The following SMAD1 variants were observed in gnomAD, a reference collection of about 807,000 sequenced individuals.
SMAD1 encodes the protein MAD, mothers against decapentaplegic homolog 1.
SMAD1 carries 6 observed loss-of-function variants against 41.6 expected under a neutral mutation model. The observed-to-expected ratio is 0.14, with a 90% confidence interval of 0.08 to 0.28. SMAD1 has a LOEUF of 0.28. Ranked by LOEUF, SMAD1 falls within the 10% of genes least tolerant of loss-of-function variation. The probability of loss-of-function intolerance (pLI) is 1.00; values close to 1 mark genes in which losing one functional copy is unlikely to be tolerated. For missense variants in SMAD1, 379 were observed against 582.6 expected (o/e 0.65, Z 3.60); for synonymous variants, 206 against 203.2 (o/e 1.01, Z -0.12).
intron 3 of SMAD1, among the ~76,000 whole-genome samples, chr4:145,540,846 G>A (rs1731888719): frequency 6.6e-6 from 1 of 151,962 alleles, no homozygotes. Context: ...GAAAATGACT[G>A]GGCAAGTGTG....
intron 6 of SMAD1, among the ~76,000 whole-genome samples, chr4:145,554,523 T>A (rs182036906): frequency 6.6e-6 from 1 of 152,258 alleles, no homozygotes; most frequent in East Asian, 1.9e-4. Flanking sequence ...TTGGTCAGGT[T>A]TTTTTTAGTG....
At chr4:145,493,331 T>A (rs1728878312) in intron 1 of SMAD1, among the ~76,000 whole-genome samples, 1 of 152,252 alleles carries the variant, frequency 6.6e-6, no homozygotes, top group Non-Finnish European at 1.5e-5. Flanking sequence ...TACAGCTGGT[T>A]GCGTATAGCT....
At chr4:145,510,818 TG>T (rs1354511108) in intron 1 of SMAD1, among the ~76,000 whole-genome samples, 2 of 152,226 alleles carry the variant, frequency 1.3e-5, no homozygotes, top group Admixed American at 1.3e-4. Context: ...ACTAGGATTG[TG>T]GGTTTGCCTG....
chr4:145,557,671 G>GT (rs1732918564), intron 6 of SMAD1, 120 bp from the exon 7 acceptor site: 2 of 679,920 alleles, frequency 2.9e-6, no homozygotes, highest in African/African-American at 1.8e-5. Flanking sequence ...GGGGCGGGGG[G>GT]GTCAGGGAGG....
rs572435079 is a variant in SMAD1, at chr4:145,516,747, T to C, written c.400+1734T>C. 2.0e-4 allele frequency among the ~76,000 whole-genome samples: 30 copies of C among 152,208 alleles called. 1 individual carries two copies. The South Asian group carries it at 2.1e-3, about 11-fold the overall frequency. Reference sequence around the variant, plus strand: ...AAATGGAGCTAAGAGTTTTGGAGAGTAAAATGTAGTAGATAAGTAATATGT... The same window carrying C: ...AAATGGAGCTAAGAGTTTTGGAGAGCAAAATGTAGTAGATAAGTAATATGT... On this transcript the variant is annotated intron_variant, in intron 2 of 6. Coordinates refer to ENST00000302085, the MANE Select transcript of SMAD1 (RefSeq NM_005900.3).
chr4:145,514,437 G>T lies in SMAD1; in HGVS notation c.-176-1G>T. 4 of 545,828 alleles carry T rather than the reference G, an allele frequency of 7.3e-6. No individual in the cohort carries two copies. The highest frequency in any genetic ancestry group is 1.9e-5 in the African/African-American group (1 of 52,438). 33.8% of individuals were successfully genotyped at this position (545,828 alleles called of 1,614,324 possible). On this transcript the variant is annotated splice_acceptor_variant, in intron 1 of 6. Coordinates refer to ENST00000302085, the MANE Select transcript of SMAD1 (RefSeq NM_005900.3). LOFTEE classifies it low-confidence loss of function (5UTR_SPLICE). The surrounding 1 kb of genome is among the most constrained non-coding windows in gnomAD (Gnocchi z 4.7). ...CTAACCATTCTTTTTTTGTTTTGTA[G>T]GTGCTGACTGGGTTACTTTTTTAAA... is the stretch of plus-strand genomic sequence containing the variant.
rs199712561 is a variant in SMAD1, at chr4:145,546,706, T to G, written c.779T>G (p.Val260Gly). ...PLPSEINRGDVQAVAYEEPKH... is the reference protein window; with the variant it reads ...PLPSEINRGDGQAVAYEEPKH... ...TATAACATTTTCTTTCCTCTAGATG[T>G]TCAGGCGGTTGCTTATGAGGAACCA... The change falls in exon 5 of 7, where the codon GTT becomes GGT. Residue 260 changes from valine (V) to glycine (G), a missense_variant. By Grantham distance (109) the Val-to-Gly change is moderately radical. Around this residue, in one of 3 missense-constraint regions of SMAD1, gnomAD observed 208 missense variants for 210.5 expected, o/e 0.99. Transcript: ENST00000302085. The G allele has an allele frequency of 3.7e-6, 6 of 1,611,068 alleles. No individual in the cohort carries two copies. Among genetic ancestry groups the G allele is most frequent in the Non-Finnish European group, 5.1e-6 (6 of 1,178,290 alleles).
intron 2 of SMAD1, among the ~76,000 whole-genome samples, chr4:145,527,950 G>A (rs1028405744): frequency 2.6e-4 from 39 of 147,702 alleles, no homozygotes; most frequent in Admixed American, 2.4e-3. Flanking sequence ...AACTTCCACC[G>A]CTCCCCGCCC....
chr4:145,490,410 G>A (rs982167416), intron 1 of SMAD1, among the ~76,000 whole-genome samples: 6 of 152,196 alleles, frequency 3.9e-5, no homozygotes, highest in African/African-American at 1.4e-4. Context: ...AAGGGAAGAA[G>A]AACCACCGTA....
Position 145,508,543 on chromosome 4 carries a change from GTGTT to G in SMAD1, c.-176-5891_-176-5888del, listed in dbSNP as rs1729912281. On this transcript the variant is annotated intron_variant, in intron 1 of 6. Transcript: ENST00000302085. ...GTTAATAGATAAACAGCAGTGAACA[GTGTT>G]TGTCAAGTAATGAACACACAAAATG... Among the ~76,000 whole-genome samples the G allele has an allele frequency of 2.6e-5, 4 of 151,932 alleles. No homozygotes were observed. The South Asian group carries it at 8.4e-4, about 32-fold the overall frequency.
intron 4 of SMAD1, chr4:145,545,362 A>G (rs1373338449): frequency 6.6e-6 from 1 of 152,220 alleles, no homozygotes; most frequent in Non-Finnish European, 1.5e-5. Flanking sequence ...GCCTTCTGCT[A>G]ATAATGTTGC....
intron 1 of SMAD1, among the ~76,000 whole-genome samples, chr4:145,511,403 G>T (rs1730070672): frequency 6.6e-6 from 1 of 152,148 alleles, no homozygotes; most frequent in Non-Finnish European, 1.5e-5. Context: ...CCCCTGAGTG[G>T]CTGAGACTGC....
chr4:145,538,134 A>C (rs1731720057), intron 2 of SMAD1, among the ~76,000 whole-genome samples: 2 of 152,232 alleles, frequency 1.3e-5, no homozygotes, highest in South Asian at 4.1e-4. Context: ...GGGAAATGGT[A>C]ATTCAAGTCA....
intron 1 of SMAD1, among the ~76,000 whole-genome samples, chr4:145,483,390 C>T (rs79766318): frequency 1.3e-5 from 2 of 152,118 alleles, no homozygotes; most frequent in South Asian, 2.1e-4. Context: ...TTGCCCACAC[C>T]TCAGTAACAC....
intron 2 of SMAD1, among the ~76,000 whole-genome samples, chr4:145,529,470 T>G (rs1272689188): frequency 2.0e-5 from 3 of 152,136 alleles, no homozygotes; most frequent in Non-Finnish European, 2.9e-5. Flanking sequence ...TGCTATCCCT[T>G]TGGGGAAACT....
At chr4:145,521,145 C>G (rs1730721316) in intron 2 of SMAD1, among the ~76,000 whole-genome samples, 1 of 152,182 alleles carries the variant, frequency 6.6e-6, no homozygotes, top group East Asian at 1.9e-4. Flanking sequence ...TGGACTTTTA[C>G]TAGCCTTCAG....
intron 1 of SMAD1, among the ~76,000 whole-genome samples, chr4:145,505,131 A>G (rs1729692098): frequency 6.6e-6 from 1 of 152,198 alleles, no homozygotes; most frequent in Non-Finnish European, 1.5e-5. Context: ...TTGAGTACCT[A>G]AGTGAAATGG....
chr4:145,526,687 A>T (rs1731034078), intron 2 of SMAD1, among the ~76,000 whole-genome samples: 1 of 152,120 alleles, frequency 6.6e-6, no homozygotes, highest in Admixed American at 6.6e-5. Flanking sequence ...AATGGGGGAG[A>T]AGGAAAAGGC....
intron 4 of SMAD1, chr4:145,546,059 A>G (rs1307522834): frequency 2.6e-5 from 4 of 152,502 alleles, no homozygotes; most frequent in Admixed American, 2.0e-4. Flanking sequence ...TGAAATCTGG[A>G]TGAGAAAGAT....
Sources: allele counts gnomAD v4.1 joint callset (sites outside exome capture counted in the v4.1 genomes callset), GRCh38; gene constraint gnomAD v4.1.1; regional missense constraint gnomAD v4.1.1; non-coding constraint Gnocchi (gnomAD v3.1); transcripts MANE v1.5; gene names NCBI Gene and HGNC (gene_info 2026-07-23, HGNC 2026-07-21).